Variants in SEMA6D observed in about 807,000 individuals in gnomAD.
SEMA6D encodes semaphorin-6D.
In SEMA6D, 35 loss-of-function variants were observed where a neutral mutation model predicts 106.6. That is an observed-to-expected ratio of 0.33 (90% confidence interval 0.25 to 0.44). The LOEUF (loss-of-function observed/expected upper bound fraction) is 0.44. Ranked by LOEUF, SEMA6D falls within the 20% of genes least tolerant of loss-of-function variation. SEMA6D has a pLI of 1.00. For missense variants in SEMA6D, 1,185 were observed against 1,345.9 expected (o/e 0.88, Z 1.87); for synonymous variants, 499 against 487.7 (o/e 1.02, Z -0.31).
chr15:47,213,951 G>A (rs1364832772), intron 1 of SEMA6D, among the ~76,000 whole-genome samples: 1 of 152,038 alleles, frequency 6.6e-6, no homozygotes, highest in African/African-American at 2.4e-5. Flanking sequence ...TTACGTTTTG[G>A]TATGCTCACT....
At chr15:47,393,598 A>G (rs1358234959) in intron 1 of SEMA6D, 1 of 152,178 alleles carries the variant, frequency 6.6e-6, no homozygotes, top group Non-Finnish European at 1.5e-5. Flanking sequence ...TATCAAATAT[A>G]TACAGCTTAT....
At chr15:47,354,287 T>A (rs2038466035) in intron 1 of SEMA6D, among the ~76,000 whole-genome samples, 1 of 131,446 alleles carries the variant, frequency 7.6e-6, no homozygotes, top group Admixed American at 7.9e-5. Context: ...TATATATATA[T>A]GGAATGAGAG....
chr15:47,340,483 T>C (rs16959275), intron 1 of SEMA6D, among the ~76,000 whole-genome samples: 2,283 of 152,326 alleles, frequency 0.015, 60 homozygotes, highest in African/African-American at 0.053. Context: ...ATCTACAGTC[T>C]GTTTCCCTTT....
chr15:47,603,784 T>C (rs1018267961), intron 4 of SEMA6D: 1 of 152,178 alleles, frequency 6.6e-6, no homozygotes, highest in Non-Finnish European at 1.5e-5. Context: ...ATGGTACTTC[T>C]AAAAACGCCC....
At chr15:47,566,212 A>G (rs1043423044) in intron 3 of SEMA6D, among the ~76,000 whole-genome samples, 13 of 152,182 alleles carry the variant, frequency 8.5e-5, no homozygotes, top group African/African-American at 2.7e-4. Flanking sequence ...GGGATTCACA[A>G]GAGTCAGAGG....
intron 1 of SEMA6D, among the ~76,000 whole-genome samples, chr15:47,247,664 TTTTC>T (rs1342447151): frequency 1.3e-5 from 2 of 152,222 alleles, no homozygotes; most frequent in African/African-American, 4.8e-5. Context: ...TACTGGCTTT[TTTTC>T]TTTGTCTCAT....
chr15:47,593,869 A>G (rs1345715086), intron 3 of SEMA6D, among the ~76,000 whole-genome samples: 1 of 152,172 alleles, frequency 6.6e-6, no homozygotes, highest in Non-Finnish European at 1.5e-5. Flanking sequence ...AGATCGCATG[A>G]GAACTCTATC....
chr15:47,722,166 A>T (rs180990052), intron 1 of SEMA6D, among the ~76,000 whole-genome samples: 2 of 152,246 alleles, frequency 1.3e-5, no homozygotes, highest in Admixed American at 6.5e-5. Flanking sequence ...CCCCAACCTT[A>T]TACCACCACA....
chr15:47,259,378 ACTT>A (rs992135130), intron 1 of SEMA6D, among the ~76,000 whole-genome samples: 6 of 151,990 alleles, frequency 3.9e-5, no homozygotes, highest in African/African-American at 1.5e-4. Context: ...ATTTTTTTAC[ACTT>A]CTTTAATGTC....
At chr15:47,368,920 A>G (rs918002175) in intron 1 of SEMA6D, among the ~76,000 whole-genome samples, 1 of 152,174 alleles carries the variant, frequency 6.6e-6, no homozygotes, top group Non-Finnish European at 1.5e-5. Flanking sequence ...GATCACACCA[A>G]ACATCCCTAA....
At chr15:47,611,185 ACG>A (rs1491290637) in intron 4 of SEMA6D, among the ~76,000 whole-genome samples, 4 of 149,250 alleles carry the variant, frequency 2.7e-5, no homozygotes, top group African/African-American at 7.4e-5. Context: ...ACACACACAC[ACG>A]CATGCACACA....
chr15:47,494,187 C>T (rs565726319), intron 3 of SEMA6D, among the ~76,000 whole-genome samples: 51 of 152,196 alleles, frequency 3.4e-4, no homozygotes, highest in South Asian at 8.3e-4. Flanking sequence ...TGGTGTCACC[C>T]TCTCTATTAT....
chr15:47,297,529 G>T (rs560899785), intron 1 of SEMA6D, among the ~76,000 whole-genome samples: 1 of 152,284 alleles, frequency 6.6e-6, no homozygotes, highest in East Asian at 1.9e-4. Flanking sequence ...GGAAAACCTT[G>T]AAGGAAGCAT....
intron 1 of SEMA6D, among the ~76,000 whole-genome samples, chr15:47,741,244 G>T (rs905365176): frequency 2.0e-5 from 3 of 152,156 alleles, no homozygotes; most frequent in Non-Finnish European, 4.4e-5. Context: ...GTGACCAAAG[G>T]CAGATTACTT....
chr15:47,231,177 T>C (rs118037514), intron 1 of SEMA6D, among the ~76,000 whole-genome samples: 4,216 of 152,076 alleles, frequency 0.028, 89 homozygotes, highest in Non-Finnish European at 0.044. Context: ...TCTCTTTTAT[T>C]TGGCTTGAAT....
intron 3 of SEMA6D, among the ~76,000 whole-genome samples, chr15:47,561,246 A>G (rs2046072457): frequency 6.6e-6 from 1 of 152,096 alleles, no homozygotes; most frequent in Admixed American, 6.6e-5. Context: ...CAGCAAAAGA[A>G]AAATGATCCA....
At chr15:47,235,694 C>A (rs2032495427) in intron 1 of SEMA6D, among the ~76,000 whole-genome samples, 1 of 152,074 alleles carries the variant, frequency 6.6e-6, no homozygotes, top group Non-Finnish European at 1.5e-5. Flanking sequence ...ACCTTTATGT[C>A]AGTACCATGC....
chr15:47,513,890 C>T (rs1399380099), intron 3 of SEMA6D, among the ~76,000 whole-genome samples: 1 of 152,140 alleles, frequency 6.6e-6, no homozygotes, highest in African/African-American at 2.4e-5. Context: ...GTTCTGCCAC[C>T]TCAAATGGAT....
chr15:47,508,285 C>CA (rs916648290), intron 3 of SEMA6D, among the ~76,000 whole-genome samples: 13 of 152,062 alleles, frequency 8.5e-5, no homozygotes, highest in Non-Finnish European at 1.9e-4. Context: ...TATTTTTCCC[C>CA]AAAAAACGAT....
Sources: allele counts gnomAD v4.1 joint callset (sites outside exome capture counted in the v4.1 genomes callset), GRCh38; gene constraint gnomAD v4.1.1; transcripts MANE v1.5; gene names NCBI Gene and HGNC (gene_info 2026-07-23, HGNC 2026-07-21).